Variants in POLK observed in about 807,000 individuals in gnomAD.
The protein encoded by POLK is polymerase (DNA directed) kappa.
A neutral mutation model predicts 94.0 loss-of-function variants in POLK; 76 were observed. The observed-to-expected ratio is 0.81, with a 90% CI of 0.67 to 0.98. POLK has a LOEUF of 0.98. POLK is among the 50% of genes least tolerant of loss of function. The pLI, the probability that POLK is intolerant of heterozygous loss-of-function variation, is 0.00. For synonymous variants in POLK, 349 were observed against 325.4 expected (o/e 1.07, Z -0.78); for missense variants, 954 against 1,010.1 (o/e 0.94, Z 0.75).
intron 13 of POLK, 129 bp downstream of exon 13, chr5:75,597,307 A>G: frequency 1.6e-6 from 1 of 624,314 alleles, no homozygotes; most frequent in Non-Finnish European, 2.8e-6. Flanking sequence ...CATTTAGGGA[A>G]ATGTTGGTTA....
At chr5:75,560,371 A>G (rs944627959) in intron 3 of POLK, among the ~76,000 whole-genome samples, 1 of 152,206 alleles carries the variant, frequency 6.6e-6, no homozygotes, top group Non-Finnish European at 1.5e-5. Flanking sequence ...AATTCTTTCA[A>G]TAACCTATTG....
chr5:75,540,841 C>T (rs566461281), intron 1 of POLK, among the ~76,000 whole-genome samples: 3 of 152,214 alleles, frequency 2.0e-5, no homozygotes, highest in East Asian at 1.9e-4. Flanking sequence ...CATGTTGATT[C>T]AGCATTCCAA....
At chr5:75,587,464 T>C (rs772453176) in intron 10 of POLK, among the ~76,000 whole-genome samples, 2 of 152,208 alleles carry the variant, frequency 1.3e-5, no homozygotes, top group Non-Finnish European at 2.9e-5. Flanking sequence ...ATATTACTGA[T>C]AAAAGAGAGC....
At chr5:75,591,370 C>CT (rs1212774234) in intron 11 of POLK, among the ~76,000 whole-genome samples, 3 of 152,038 alleles carry the variant, frequency 2.0e-5, no homozygotes, top group Non-Finnish European at 2.9e-5. Context: ...TGATGAGTAT[C>CT]TTTCTCTATC....
intron 3 of POLK, among the ~76,000 whole-genome samples, chr5:75,561,461 G>C (rs1177893024): frequency 6.6e-6 from 1 of 152,168 alleles, no homozygotes; most frequent in Non-Finnish European, 1.5e-5. Flanking sequence ...TAGGTTGCCT[G>C]TTCACTCTGC....
At position 75,596,912 on chromosome 5, in the gene POLK, A is replaced by G. The variant is rs1352006595; in HGVS notation, c.2219A>G (p.His740Arg). The change falls in exon 13 of 15, where the codon CAC becomes CGC. Residue 740 changes from histidine (H) to arginine (R), a missense_variant. Transcript: ENST00000241436. ...CCAAGCAAGTCTTTTAATATTGAAC[A>G]CTGTCATCAGAATTCTTCTTCTACT... The G allele has an allele frequency of 1.9e-6, 3 of 1,613,450 alleles. No homozygotes were observed. The African/African-American group carries it at 4.0e-5, about 22-fold the overall frequency.
exon 13 of POLK, chr5:75,596,621 T>C: frequency 6.2e-7 from 1 of 1,614,104 alleles, no homozygotes; most frequent in Non-Finnish European, 8.5e-7. Flanking sequence ...AATAAACATG[T>C]AGATGAATGT....
At chr5:75,597,988 C>A in exon 15 of POLK, 1 of 1,432,452 alleles carries the variant, frequency 7.0e-7, no homozygotes, top group Non-Finnish European at 9.5e-7. Flanking sequence ...CAAACAATCC[C>A]AAACATACCC....
At chr5:75,587,185 T>G (rs1346407431) in intron 10 of POLK, 127 bp downstream of exon 10, 2 of 570,272 alleles carry the variant, frequency 3.5e-6, no homozygotes, top group Non-Finnish European at 6.2e-6. Context: ...CAGTTTTTAG[T>G]AGTTTACACT....
chr5:75,604,917 G>A (rs1581120083), downstream of POLK, among the ~76,000 whole-genome samples: 1 of 152,160 alleles, frequency 6.6e-6, no homozygotes, highest in East Asian at 1.9e-4. Flanking sequence ...TTGGCAACAT[G>A]ATTCCATTTA....
At chr5:75,599,990 A>G (rs539279502) in exon 15 of POLK, 144 of 152,246 alleles carry the variant, frequency 9.5e-4, no homozygotes, top group African/African-American at 3.3e-3. Context: ...AAATACAGCA[A>G]AACTACAAGA....
intron 3 of POLK, among the ~76,000 whole-genome samples, chr5:75,564,153 C>T (rs983656065): frequency 6.6e-6 from 1 of 152,114 alleles, no homozygotes; most frequent in African/African-American, 2.4e-5. Flanking sequence ...ATGTAATGCC[C>T]TTCTTTGTCT....
intron 7 of POLK, chr5:75,582,231 C>G (rs1440006005): frequency 3.7e-6 from 2 of 535,480 alleles, no homozygotes; most frequent in African/African-American, 4.1e-5. Flanking sequence ...ATCACTGTCT[C>G]TTAACATAAT....
At chr5:75,591,105 G>C (rs993769522) in intron 11 of POLK, among the ~76,000 whole-genome samples, 1 of 152,200 alleles carries the variant, frequency 6.6e-6, no homozygotes, top group Non-Finnish European at 1.5e-5. Flanking sequence ...GATCAGTAAG[G>C]TGACTATAGT....
intron 3 of POLK, among the ~76,000 whole-genome samples, chr5:75,560,979 T>C (rs1770941102): frequency 6.6e-6 from 1 of 152,228 alleles, no homozygotes; most frequent in Non-Finnish European, 1.5e-5. Context: ...AACATACATG[T>C]ACATGTGTCT....
intron 2 of POLK, among the ~76,000 whole-genome samples, chr5:75,549,487 T>TG (rs1465356952): frequency 3.3e-5 from 5 of 152,056 alleles, no homozygotes; most frequent in Admixed American, 3.3e-4. Flanking sequence ...TGAGTATTCT[T>TG]GAAGCTTTGC....
intron 1 of POLK, among the ~76,000 whole-genome samples, chr5:75,546,386 C>T (rs898788599): frequency 2.0e-5 from 3 of 152,016 alleles, no homozygotes; most frequent in Non-Finnish European, 2.9e-5. Flanking sequence ...GTTGGTCTTT[C>T]TGTCTTGAGG....
upstream of POLK, chr5:75,511,742 C>T: frequency 6.5e-7 from 1 of 1,550,216 alleles, no homozygotes; most frequent in Non-Finnish European, 8.7e-7. Context: ...CTTCGGGATC[C>T]TCCTCCCGAA....
chr5:75,597,422 C>A (rs527392106), intron 13 of POLK: 1 of 441,900 alleles, frequency 2.3e-6, no homozygotes, highest in Non-Finnish European at 4.0e-6. Flanking sequence ...GTTTAAGGAG[C>A]TGAGTGATCT....
Sources: allele counts gnomAD v4.1 joint callset (sites outside exome capture counted in the v4.1 genomes callset), GRCh38; gene constraint gnomAD v4.1.1; transcripts MANE v1.5; gene names NCBI Gene and HGNC (gene_info 2026-07-23, HGNC 2026-07-21).